LRP1B: variants seen among roughly 807,000 people sequenced by gnomAD.
LRP1B encodes low-density lipoprotein receptor-related protein 1B.
Under a neutral mutation model 556.6 loss-of-function variants are expected in LRP1B, and 217 were observed. The observed-to-expected ratio is 0.39, with a 90% CI of 0.35 to 0.44. The LOEUF is 0.44. LRP1B is among the 20% of genes least tolerant of loss of function. The pLI, the probability that LRP1B is intolerant of heterozygous loss-of-function variation, is 1.00. For synonymous variants in LRP1B, 2,047 were observed against 1,865.8 expected (o/e 1.10, Z -2.50); for missense variants, 5,053 against 5,620.8 (o/e 0.90, Z 3.23).
chr2:141,617,273 A>C (rs550511536), intron 2 of LRP1B, among the ~76,000 whole-genome samples: 1 of 152,322 alleles, frequency 6.6e-6, no homozygotes, highest in African/African-American at 2.4e-5. Flanking sequence ...ATATACAAAC[A>C]CAAGAAGTTT....
intron 41 of LRP1B, among the ~76,000 whole-genome samples, chr2:140,685,298 AATAAAG>A (rs1191364375): frequency 3.9e-5 from 6 of 152,342 alleles, no homozygotes; most frequent in African/African-American, 1.4e-4. Flanking sequence ...AGTAAAGAGA[AATAAAG>A]ATAAAGACTC....
At chr2:141,201,274 G>A (rs553342285) in intron 6 of LRP1B, among the ~76,000 whole-genome samples, 7 of 152,240 alleles carry the variant, frequency 4.6e-5, no homozygotes, top group Admixed American at 2.0e-4. Context: ...ACAAAATGTC[G>A]TACTAAGGAT....
intron 1 of LRP1B, among the ~76,000 whole-genome samples, chr2:141,986,159 T>C (rs1216824159): frequency 6.6e-6 from 1 of 151,950 alleles, no homozygotes; most frequent in East Asian, 1.9e-4. Context: ...AAGTAGATGT[T>C]ATAAAAAATT....
chr2:141,141,679 T>C (rs1489620899), intron 7 of LRP1B, among the ~76,000 whole-genome samples: 1 of 152,144 alleles, frequency 6.6e-6, no homozygotes, highest in African/African-American at 2.4e-5. Context: ...TAGGAAGTAA[T>C]CTTTGCTTAT....
intron 43 of LRP1B, among the ~76,000 whole-genome samples, chr2:140,588,633 A>C (rs1052868648): frequency 6.6e-6 from 1 of 152,210 alleles, no homozygotes; most frequent in African/African-American, 2.4e-5. Flanking sequence ...AATTATGCCC[A>C]AATGATTTTT....
At chr2:141,676,749 T>C (rs1464130509) in intron 2 of LRP1B, among the ~76,000 whole-genome samples, 3 of 152,188 alleles carry the variant, frequency 2.0e-5, no homozygotes, top group African/African-American at 7.2e-5. Context: ...TAGAGTATTC[T>C]TAATGACTGT....
chr2:141,309,767 A>T (rs1411208861), intron 3 of LRP1B, among the ~76,000 whole-genome samples: 1 of 152,092 alleles, frequency 6.6e-6, no homozygotes, highest in Non-Finnish European at 1.5e-5. Flanking sequence ...AGGTGCGGCA[A>T]ACCACCAAGG....
intron 1 of LRP1B, among the ~76,000 whole-genome samples, chr2:142,046,133 CCTT>C (rs1164098124): frequency 3.9e-5 from 6 of 151,910 alleles, no homozygotes; most frequent in African/African-American, 1.2e-4. Flanking sequence ...TCCTGTGTCT[CCTT>C]GTCTCTTTGT....
At chr2:141,278,714 G>C (rs957410155) in intron 3 of LRP1B, among the ~76,000 whole-genome samples, 13 of 152,136 alleles carry the variant, frequency 8.5e-5, no homozygotes, top group Non-Finnish European at 1.5e-4. Flanking sequence ...AATAATGTAG[G>C]CTTCACAATT....
At chr2:141,728,691 T>C (rs936789969) in intron 2 of LRP1B, among the ~76,000 whole-genome samples, 3 of 152,118 alleles carry the variant, frequency 2.0e-5, no homozygotes, top group Admixed American at 2.0e-4. Context: ...GTAGCATCAC[T>C]ATTAAAAAGC....
chr2:140,973,887 C>T (rs1264251971), intron 18 of LRP1B, among the ~76,000 whole-genome samples: 1 of 152,052 alleles, frequency 6.6e-6, no homozygotes, highest in Non-Finnish European at 1.5e-5. Flanking sequence ...ATTCTATACA[C>T]ATTGAATATT....
chr2:141,475,145 G>C (rs1321065448), intron 3 of LRP1B, among the ~76,000 whole-genome samples: 1 of 152,124 alleles, frequency 6.6e-6, no homozygotes, highest in African/African-American at 2.4e-5. Flanking sequence ...AGGCAACGCA[G>C]GTGGATCACT....
At chr2:140,364,944 A>T (rs16856014) in intron 71 of LRP1B, among the ~76,000 whole-genome samples, 161 bp from the exon 72 acceptor site, 3 of 151,214 alleles carry the variant, frequency 2.0e-5, no homozygotes, top group Non-Finnish European at 4.4e-5. Flanking sequence ...GTAATATTCA[A>T]TTTTTTTTAA....
chr2:142,042,840 T>G (rs1001679745), intron 1 of LRP1B, among the ~76,000 whole-genome samples: 3 of 151,578 alleles, frequency 2.0e-5, no homozygotes, highest in Non-Finnish European at 4.4e-5. Context: ...GGAGTTGTTA[T>G]GTCTTTTATT....
intron 87 of LRP1B, 47 bp from the exon 88 acceptor site, chr2:140,239,579 T>C: frequency 8.1e-7 from 1 of 1,228,190 alleles, no homozygotes; most frequent in Non-Finnish European, 1.2e-6. Flanking sequence ...TAAAATGAAG[T>C]AAAAATTGAT....
chr2:140,669,181 G>A (rs993322321), intron 41 of LRP1B, among the ~76,000 whole-genome samples: 4 of 152,102 alleles, frequency 2.6e-5, no homozygotes, highest in Admixed American at 6.5e-5. Flanking sequence ...TTCCCAAAAT[G>A]TGTTTCTTTA....
intron 2 of LRP1B, among the ~76,000 whole-genome samples, chr2:141,796,625 G>C (rs950425721): frequency 7.1e-6 from 1 of 139,966 alleles, no homozygotes; most frequent in East Asian, 2.1e-4. Context: ...AAAGATTCCA[G>C]TAGGAATGCA....
intron 69 of LRP1B, among the ~76,000 whole-genome samples, chr2:140,372,012 G>A (rs189712882): frequency 1.3e-5 from 2 of 152,142 alleles, no homozygotes; most frequent in East Asian, 3.9e-4. Flanking sequence ...ATACTACCCA[G>A]TCTAATTAAT....
At chr2:141,488,589 C>T (rs1683203599) in intron 2 of LRP1B, among the ~76,000 whole-genome samples, 1 of 151,922 alleles carries the variant, frequency 6.6e-6, no homozygotes, top group South Asian at 2.1e-4. Flanking sequence ...TTCCCAAGTA[C>T]CTAGGACTAC....
Sources: allele counts gnomAD v4.1 joint callset (sites outside exome capture counted in the v4.1 genomes callset), GRCh38; gene constraint gnomAD v4.1.1; transcripts MANE v1.5; gene names NCBI Gene and HGNC (gene_info 2026-07-23, HGNC 2026-07-21).